The following ARID4B variants were observed in gnomAD, a reference collection of about 807,000 sequenced individuals.
ARID4B encodes the protein AT-rich interactive domain-containing protein 4B.
A neutral mutation model predicts 147.5 loss-of-function variants in ARID4B; 26 were observed. That is an observed-to-expected ratio of 0.18 (90% CI 0.13 to 0.24). The LOEUF is 0.24. Among genes scored for constraint, ARID4B ranks in the 10% least tolerant of loss-of-function variants. The pLI, the probability that ARID4B is intolerant of heterozygous loss-of-function variation, is 1.00. For synonymous variants in ARID4B, 512 were observed against 507.9 expected (o/e 1.01, Z -0.11); for missense variants, 1,179 against 1,511.5 (o/e 0.78, Z 3.65).
At chr1:235,258,055 G>C (rs1670092594) in intron 3 of ARID4B, among the ~76,000 whole-genome samples, 1 of 152,146 alleles carries the variant, frequency 6.6e-6, no homozygotes, top group South Asian at 2.1e-4. Context: ...AAACAGGCCA[G>C]GTGCGGTGGC....
intron 2 of ARID4B, among the ~76,000 whole-genome samples, chr1:235,274,857 TTA>T (rs1315336215): frequency 3.3e-5 from 5 of 152,212 alleles, no homozygotes; most frequent in African/African-American, 1.2e-4. Flanking sequence ...ACCTTCTGCC[TTA>T]AAAACACTCT....
intron 2 of ARID4B, among the ~76,000 whole-genome samples, chr1:235,291,954 G>A (rs1672365847): frequency 6.6e-6 from 1 of 152,094 alleles, no homozygotes; most frequent in African/African-American, 2.4e-5. Context: ...AACAATGACT[G>A]TACAGAAAGA....
Position 235,179,544 on chromosome 1 carries a change from A to C in ARID4B, c.3335-1631T>G, listed in dbSNP as rs919668557. On this transcript the variant is annotated intron_variant, in intron 20 of 23. Coordinates refer to ENST00000264183, the MANE Select transcript of ARID4B (RefSeq NM_016374.6). ...ATGTCTCAAAAAAAAAAAAAAAAAA[A>C]AAAAAAAAACCCAACAAAAAGAAAA... 3.7e-5 allele frequency among the ~76,000 whole-genome samples: 5 copies of C among 136,850 alleles called. No individual in the cohort carries two copies. The South Asian group carries it at 1.1e-3, about 30-fold the overall frequency. 89.8% of individuals were successfully genotyped at this position (136,850 alleles called of 152,430 possible). A position where few individuals can be genotyped will look rare whatever the true frequency, so the allele number is the denominator to read the frequency against.
At chr1:235,316,753 G>A (rs6666023) in intron 2 of ARID4B, among the ~76,000 whole-genome samples, 72,055 of 150,314 alleles carry the variant, frequency 0.48, 17,415 homozygotes, top group South Asian at 0.6. Flanking sequence ...CGGGAGCCGA[G>A]TGTTGCAGTG....
intron 17 of ARID4B, among the ~76,000 whole-genome samples, chr1:235,205,193 C>T (rs900852813): frequency 6.6e-6 from 1 of 151,778 alleles, no homozygotes; most frequent in African/African-American, 2.4e-5. Flanking sequence ...ATACACAACT[C>T]AAGTACAGCA....
In ARID4B at chr1:235,287,252, C is replaced by A. The variant is rs529364017; in HGVS notation, c.7-26500G>T. Among the ~76,000 whole-genome samples the A allele has an allele frequency of 1.3e-3, 194 of 151,266 alleles. 1 individual carries two copies. Among genetic ancestry groups the A allele is most frequent in the African/African-American group, 4.6e-3 (190 of 41,442 alleles). ...CCAGCCTGGACGACAGAGTAAGACT[C>A]TGTCTCAGAAAAAATAAATTTTTTT... On this transcript the variant is annotated intron_variant, in intron 2 of 23. Coordinates refer to ENST00000264183, the MANE Select transcript of ARID4B (RefSeq NM_016374.6).
At chr1:235,291,417 AT>A (rs1672329256) in intron 2 of ARID4B, among the ~76,000 whole-genome samples, 3 of 151,924 alleles carry the variant, frequency 2.0e-5, no homozygotes, top group African/African-American at 7.2e-5. Flanking sequence ...CAAAAAAATA[AT>A]AAATAAATAA....
chr1:235,199,771 G>A (rs1302491606), intron 17 of ARID4B, among the ~76,000 whole-genome samples: 1 of 152,152 alleles, frequency 6.6e-6, no homozygotes, highest in Admixed American at 6.5e-5. Context: ...TGAGATCACT[G>A]ACACAAACAT....
intron 17 of ARID4B, among the ~76,000 whole-genome samples, chr1:235,205,630 G>T (rs1183912501): frequency 6.6e-6 from 1 of 152,186 alleles, no homozygotes; most frequent in African/African-American, 2.4e-5. Context: ...TCATGTATCT[G>T]ATAAGGGAAT....
intron 2 of ARID4B, among the ~76,000 whole-genome samples, chr1:235,262,962 T>A (rs928827947): frequency 6.6e-6 from 1 of 152,142 alleles, no homozygotes; most frequent in Non-Finnish European, 1.5e-5. Flanking sequence ...ATCAATTAAA[T>A]TTTTTTTAAA....
At chr1:235,192,100 T>TC (rs1490073311) in intron 19 of ARID4B, among the ~76,000 whole-genome samples, 1 of 151,604 alleles carries the variant, frequency 6.6e-6, no homozygotes, top group Non-Finnish European at 1.5e-5. Context: ...AAAAACACCC[T>TC]AAAAAAATGA....
At chr1:235,208,337 A>C (rs1666463653) in intron 17 of ARID4B, among the ~76,000 whole-genome samples, 1 of 152,188 alleles carries the variant, frequency 6.6e-6, no homozygotes, top group African/African-American at 2.4e-5. Context: ...TCAATTAGAT[A>C]ATTATGCTAA....
At chr1:235,241,863 T>C (rs1389564029) in intron 7 of ARID4B, among the ~76,000 whole-genome samples, 2 of 152,260 alleles carry the variant, frequency 1.3e-5, no homozygotes, top group East Asian at 3.9e-4. Flanking sequence ...TAAAGTGACA[T>C]GGGGAATACC....
At chr1:235,280,069 G>A (rs576283231) in intron 2 of ARID4B, among the ~76,000 whole-genome samples, 1 of 152,194 alleles carries the variant, frequency 6.6e-6, no homozygotes, top group Admixed American at 6.5e-5. Flanking sequence ...CGCACCTTGT[G>A]AATTACCAAA....
intron 19 of ARID4B, among the ~76,000 whole-genome samples, chr1:235,190,666 A>T (rs935032250): frequency 6.6e-6 from 1 of 152,224 alleles, no homozygotes. Flanking sequence ...TGCAAAAATA[A>T]ATACAGATAT....
intron 2 of ARID4B, among the ~76,000 whole-genome samples, chr1:235,321,485 C>A (rs2103307761): frequency 6.6e-6 from 1 of 152,038 alleles, no homozygotes; most frequent in Non-Finnish European, 1.5e-5. Flanking sequence ...TTCTTCCTAC[C>A]CCAGGATGAG....
rs1674839313 is a variant in ARID4B, at chr1:235,321,568, T to A, written c.6+5346A>T. Among the ~76,000 whole-genome samples the A allele has an allele frequency of 2.0e-5, 3 of 152,160 alleles. No homozygotes were observed. In the South Asian group the frequency reaches 6.2e-4, roughly 32 times the overall value. ...TCGCCCAGGCTGGAGTGCAGTGGCGTGATCTCGGCTCACTGCAAGCTCCGC... is the reference window on the plus strand; with the variant it reads ...TCGCCCAGGCTGGAGTGCAGTGGCGAGATCTCGGCTCACTGCAAGCTCCGC... On this transcript the variant is annotated intron_variant, in intron 2 of 23. Coordinates refer to ENST00000264183, the MANE Select transcript of ARID4B (RefSeq NM_016374.6).
chr1:235,311,778 A>C (rs1336998838), intron 2 of ARID4B, among the ~76,000 whole-genome samples: 1 of 152,114 alleles, frequency 6.6e-6, no homozygotes, highest in Non-Finnish European at 1.5e-5. Flanking sequence ...TGTCTCAAAA[A>C]CAAAAAACAA....
chr1:235,229,433 G>A (rs1180878682), intron 10 of ARID4B, 48 bp from the exon 11 acceptor site: 1 of 1,313,912 alleles, frequency 7.6e-7, no homozygotes, highest in Admixed American at 2.1e-5. Flanking sequence ...TAAGACAATT[G>A]TTTTCTCAAA....
Sources: gnomAD v4.1 joint callset for allele counts (sites outside exome capture counted in the v4.1 genomes callset) on GRCh38, gnomAD v4.1.1 for gene constraint, MANE v1.5 for transcripts, NCBI Gene and HGNC (gene_info 2026-07-23, HGNC 2026-07-21) for gene names.